Variants in ZNRF1 observed in about 807,000 individuals in gnomAD.
ZNRF1 encodes the protein zinc and ring finger 1.
In ZNRF1, 3 loss-of-function variants were observed where a neutral mutation model predicts 18.4. That is an observed-to-expected ratio of 0.16 (90% CI 0.07 to 0.42). The LOEUF (loss-of-function observed/expected upper bound fraction) is 0.42. Ranked by LOEUF, ZNRF1 falls within the 10% of genes least tolerant of loss-of-function variation. The pLI, the probability that ZNRF1 is intolerant of heterozygous loss-of-function variation, is 0.99. For synonymous variants in ZNRF1, 157 were observed against 144.2 expected (o/e 1.09, Z -0.64); for missense variants, 310 against 329.8 (o/e 0.94, Z 0.47).
chr16:75,041,140 AGTTTGT>A (rs907625528), intron 1 of ZNRF1, among the ~76,000 whole-genome samples: 1 of 152,120 alleles, frequency 6.6e-6, no homozygotes, highest in Non-Finnish European at 1.5e-5. Flanking sequence ...CCATATGAGA[AGTTTGT>A]GTTTAAACGT....
chr16:75,022,080 C>T (rs181044835), intron 1 of ZNRF1, among the ~76,000 whole-genome samples: 20 of 152,216 alleles, frequency 1.3e-4, no homozygotes, highest in Admixed American at 5.2e-4. Context: ...TCCATCCATC[C>T]GTCTCGCTCT....
chr16:75,006,882 G>A (rs549147242), intron 1 of ZNRF1, among the ~76,000 whole-genome samples: 1 of 152,146 alleles, frequency 6.6e-6, no homozygotes, highest in Non-Finnish European at 1.5e-5. Context: ...TAGAGACCCA[G>A]CAGTTTTCAC....
At chr16:75,004,367 C>T (rs1049531611) in intron 1 of ZNRF1, among the ~76,000 whole-genome samples, 1 of 152,106 alleles carries the variant, frequency 6.6e-6, no homozygotes, top group African/African-American at 2.4e-5. Context: ...CATTCTCTTT[C>T]GGTAGTTCTG....
intron 1 of ZNRF1, among the ~76,000 whole-genome samples, chr16:75,046,516 G>A (rs1384161426): frequency 1.3e-5 from 2 of 152,132 alleles, no homozygotes; most frequent in African/African-American, 4.8e-5. Flanking sequence ...CTCCCAAAAT[G>A]CTGAGATTAC....
At chr16:75,089,079 C>T (rs2036106607) in intron 1 of ZNRF1, among the ~76,000 whole-genome samples, 1 of 152,122 alleles carries the variant, frequency 6.6e-6, no homozygotes, top group African/African-American at 2.4e-5. Context: ...TGATTTCCCA[C>T]TCGCATAATA....
At chr16:75,015,576 T>TA (rs1160087075) in intron 1 of ZNRF1, among the ~76,000 whole-genome samples, 1 of 151,242 alleles carries the variant, frequency 6.6e-6, no homozygotes, top group Non-Finnish European at 1.5e-5. Flanking sequence ...ATTCTGTCTT[T>TA]AAAAAAAAAT....
chr16:75,036,675 C>G (rs1452464561), intron 1 of ZNRF1, among the ~76,000 whole-genome samples: 3 of 149,610 alleles, frequency 2.0e-5, no homozygotes, highest in Non-Finnish European at 4.4e-5. Context: ...CAACTTCATT[C>G]ATTTTCTTTC....
Position 75,032,076 on chromosome 16 carries a change from A to G in ZNRF1, c.424+31981A>G, listed in dbSNP as rs556725177. On this transcript the variant is annotated intron_variant, in intron 1 of 4. Transcript: ENST00000335325. ...GGTATCATTATAGTTTTGATTTGCA[A>G]AGGATATTGGGCATCTTTTCTTGTG... Among the ~76,000 whole-genome samples, 6 of 150,602 alleles carry G rather than the reference A, an allele frequency of 4.0e-5. No homozygotes were observed. In the South Asian group the frequency reaches 1.3e-3, roughly 32 times the overall value.
intron 1 of ZNRF1, among the ~76,000 whole-genome samples, chr16:75,040,608 T>G (rs974556833): frequency 1.1e-4 from 15 of 137,062 alleles, no homozygotes; most frequent in African/African-American, 3.0e-4. Context: ...GTTTTTTTTT[T>G]TTTTTTTTTT....
At chr16:75,046,173 GTAT>G (rs1567477032) in intron 1 of ZNRF1, among the ~76,000 whole-genome samples, 1 of 151,680 alleles carries the variant, frequency 6.6e-6, no homozygotes, top group African/African-American at 2.4e-5. Context: ...CAAAGTGCTG[GTAT>G]TATTACATGT....
At chr16:75,048,253 TCTC>T (rs2035541908) in intron 1 of ZNRF1, among the ~76,000 whole-genome samples, 1 of 152,142 alleles carries the variant, frequency 6.6e-6, no homozygotes, top group South Asian at 2.1e-4. Context: ...CAGCCCCTAA[TCTC>T]CTATTCTCAT....
intron 1 of ZNRF1, among the ~76,000 whole-genome samples, chr16:75,086,417 G>A (rs560606921): frequency 1.1e-4 from 17 of 152,288 alleles, no homozygotes; most frequent in Middle Eastern, 3.4e-3. Flanking sequence ...AGAGGTTTTC[G>A]AAGAGGCAAA....
At chr16:75,028,578 A>C (rs2035255934) in intron 1 of ZNRF1, among the ~76,000 whole-genome samples, 1 of 152,248 alleles carries the variant, frequency 6.6e-6, no homozygotes, top group Admixed American at 6.5e-5. Context: ...TATAGGCGTG[A>C]GCCTCTGTGC....
chr16:75,019,012 A>T (rs1163320161), intron 1 of ZNRF1, among the ~76,000 whole-genome samples: 2 of 152,082 alleles, frequency 1.3e-5, no homozygotes, highest in Admixed American at 6.6e-5. Flanking sequence ...CTGAAAATAT[A>T]AAAGTTAGCC....
chr16:75,078,296 CTT>C (rs36075131), intron 1 of ZNRF1, among the ~76,000 whole-genome samples: 6 of 113,108 alleles, frequency 5.3e-5, no homozygotes, highest in African/African-American at 1.5e-4. Flanking sequence ...TCTTTCTTTC[CTT>C]TTTTTTTTTT....
chr16:75,035,359 A>AAAAC (rs2035364608), intron 1 of ZNRF1, among the ~76,000 whole-genome samples: 1 of 152,180 alleles, frequency 6.6e-6, no homozygotes, highest in East Asian at 1.9e-4. Flanking sequence ...TATAGAAAGT[A>AAAAC]TACATTTGAT....
chr16:75,086,320 C>T (rs2036073819), intron 1 of ZNRF1, among the ~76,000 whole-genome samples: 1 of 152,184 alleles, frequency 6.6e-6, no homozygotes. Flanking sequence ...GTATGGCTGT[C>T]TTCTGATGTC....
At chr16:75,055,187 C>A (rs1345030470) in intron 1 of ZNRF1, among the ~76,000 whole-genome samples, 5 of 152,198 alleles carry the variant, frequency 3.3e-5, no homozygotes, top group Non-Finnish European at 7.3e-5. Flanking sequence ...TGGACTCTTT[C>A]CATTGCTCCC....
At chr16:75,103,617 A>T (rs1250159768) in intron 2 of ZNRF1, among the ~76,000 whole-genome samples, 1 of 152,212 alleles carries the variant, frequency 6.6e-6, no homozygotes, top group Non-Finnish European at 1.5e-5. Context: ...TGACAATACT[A>T]TGTTGTACAC....
Sources: allele counts gnomAD v4.1 joint callset (sites outside exome capture counted in the v4.1 genomes callset), GRCh38; gene constraint gnomAD v4.1.1; transcripts MANE v1.5; gene names NCBI Gene and HGNC (gene_info 2026-07-23, HGNC 2026-07-21).